Variants in ANKRD6 observed in about 807,000 individuals in gnomAD.
ANKRD6 encodes the protein ankyrin repeat domain 6.
ANKRD6 carries 56 observed loss-of-function variants against 82.3 expected under a neutral mutation model. The observed-to-expected ratio is 0.68, with a 90% CI of 0.55 to 0.85. ANKRD6 has a LOEUF of 0.85. ANKRD6 is among the 40% of genes least tolerant of loss of function. The probability of loss-of-function intolerance (pLI) is 0.00; values close to 1 mark genes in which losing one functional copy is unlikely to be tolerated. For missense variants in ANKRD6, 852 were observed against 907.6 expected, an observed-to-expected ratio of 0.94 and a Z score of 0.79; for synonymous variants, 347 against 352.1, an observed-to-expected ratio of 0.99 and a Z score of 0.16.
chr6:89,499,086 C>T (rs1282104224), intron 1 of ANKRD6, among the ~76,000 whole-genome samples: 2 of 151,960 alleles, frequency 1.3e-5, no homozygotes, highest in African/African-American at 4.8e-5. Flanking sequence ...GGTCTCCCTT[C>T]CTGAATAAAA....
In ANKRD6 at chr6:89,595,916, C is replaced by T. The variant is rs368207785; in HGVS notation, c.121C>T (p.His41Tyr). 2 of 1,604,720 alleles carry T rather than the reference C, an allele frequency of 1.2e-6. No homozygotes were observed. Among genetic ancestry groups the T allele is most frequent in the Middle Eastern group, 1.7e-4 (1 of 6,054 alleles). ...ATCATTGTTCATTTTGCATTCACAG[C>T]ATGGCCGGACTCCCCTGCATCTTGC... ...NKGARVAVTKHGRTPLHLAAN... is the reference protein window; with the variant it reads ...NKGARVAVTKYGRTPLHLAAN... Residue 41 changes from histidine to tyrosine, a missense_variant and splice_region_variant, in exon 3 of 16, where the codon CAT becomes TAT. Coordinates refer to ENST00000339746, the MANE Select transcript of ANKRD6 (RefSeq NM_001242809.2).
chr6:89,445,510 A>C (rs897703194), intron 1 of ANKRD6, among the ~76,000 whole-genome samples: 1 of 151,920 alleles, frequency 6.6e-6, no homozygotes, highest in African/African-American at 2.4e-5. Context: ...GCAGTCAAGC[A>C]ATCTCTGCTC....
chr6:89,511,302 A>G (rs562655657), intron 1 of ANKRD6, among the ~76,000 whole-genome samples: 25 of 152,234 alleles, frequency 1.6e-4, no homozygotes, highest in South Asian at 6.2e-4. Context: ...AGAGGCACAC[A>G]CTGAGGCATT....
intron 1 of ANKRD6, among the ~76,000 whole-genome samples, chr6:89,505,201 C>T (rs868108247): frequency 1.3e-5 from 2 of 152,150 alleles, no homozygotes; most frequent in African/African-American, 4.8e-5. Context: ...GCTGTCCTCC[C>T]GTATGCACCA....
At chr6:89,494,995 G>A (rs1778427825) in intron 1 of ANKRD6, among the ~76,000 whole-genome samples, 1 of 152,184 alleles carries the variant, frequency 6.6e-6, no homozygotes, top group Admixed American at 6.5e-5. Flanking sequence ...AGCACTTTGG[G>A]AGGCCGAGGT....
At chr6:89,625,453 T>C (rs1805314590) in intron 13 of ANKRD6, among the ~76,000 whole-genome samples, 1 of 152,174 alleles carries the variant, frequency 6.6e-6, no homozygotes, top group South Asian at 2.1e-4. Context: ...TACAGAAAAG[T>C]TCACAGAATA....
At chr6:89,625,860 A>G (rs559218843) in intron 13 of ANKRD6, among the ~76,000 whole-genome samples, 16 of 151,038 alleles carry the variant, frequency 1.1e-4, no homozygotes, top group African/African-American at 3.4e-4. Context: ...CAGTCTGCTG[A>G]GTAGCTGGGA....
intron 1 of ANKRD6, among the ~76,000 whole-genome samples, chr6:89,451,842 T>A (rs1772863727): frequency 6.6e-6 from 1 of 152,216 alleles, no homozygotes; most frequent in African/African-American, 2.4e-5. Flanking sequence ...CCCCCTCTGC[T>A]ACCCTTTGAA....
chr6:89,624,217 TC>T (rs1394645324), intron 12 of ANKRD6, among the ~76,000 whole-genome samples, 160 bp downstream of exon 12: 1 of 152,188 alleles, frequency 6.6e-6, no homozygotes, highest in South Asian at 2.1e-4. Context: ...ACGGTGCAGA[TC>T]CACTCCTGCT....
intron 14 of ANKRD6, 29 bp from the exon 15 acceptor site, chr6:89,629,083 T>G (rs1434127434): frequency 6.3e-7 from 1 of 1,597,638 alleles, no homozygotes; most frequent in Non-Finnish European, 8.5e-7. Context: ...TCTATGTACT[T>G]ATTTGTGGGG....
Position 89,446,847 on chromosome 6 carries a change from G to A in ANKRD6, c.-144+13472G>A, listed in dbSNP as rs539091563. Among the ~76,000 whole-genome samples, 10 of 152,294 alleles carry A rather than the reference G, an allele frequency of 6.6e-5. No individual in the cohort carries two copies. In the East Asian group the frequency reaches 7.7e-4, roughly 12 times the overall value. ...TCTTCTTGTGATAGTGAGTTCTCACGAGATTGGATAGTTTTATAAGGGGCT... is the reference window on the plus strand; with the variant it reads ...TCTTCTTGTGATAGTGAGTTCTCACAAGATTGGATAGTTTTATAAGGGGCT... On this transcript the variant is annotated intron_variant, in intron 1 of 15. Coordinates refer to ENST00000339746, the MANE Select transcript of ANKRD6 (RefSeq NM_001242809.2).
intron 1 of ANKRD6, among the ~76,000 whole-genome samples, chr6:89,490,149 T>C (rs2127837602): frequency 6.6e-6 from 1 of 152,378 alleles, no homozygotes; most frequent in South Asian, 2.1e-4. Context: ...ATTAATCCAG[T>C]TCAATTGCAT....
At chr6:89,570,554 C>G (rs946977367) in intron 2 of ANKRD6, among the ~76,000 whole-genome samples, 7 of 152,178 alleles carry the variant, frequency 4.6e-5, no homozygotes, top group Non-Finnish European at 4.4e-5. Flanking sequence ...ACACTAATTT[C>G]TCATTTCCTC....
intron 1 of ANKRD6, among the ~76,000 whole-genome samples, chr6:89,510,727 C>G (rs1054631024): frequency 6.6e-6 from 1 of 152,128 alleles, no homozygotes; most frequent in Admixed American, 6.5e-5. Context: ...ACAAGTGATA[C>G]AATTTCTGTC....
At chr6:89,523,832 A>G (rs1284882337) in intron 1 of ANKRD6, among the ~76,000 whole-genome samples, 3 of 152,146 alleles carry the variant, frequency 2.0e-5, no homozygotes, top group Non-Finnish European at 2.9e-5. Context: ...CAAGGAGTTT[A>G]TAGCATGAAT....
rs567077939 is a variant in ANKRD6, at chr6:89,585,797, A to G, written c.121-10119A>G. Among the ~76,000 whole-genome samples the G allele has an allele frequency of 4.6e-5, 7 of 152,300 alleles. No individual in the cohort carries two copies. The South Asian group carries it at 1.0e-3, about 23-fold the overall frequency. The stretch of plus-strand genomic sequence containing the variant: ...ATGATGTGTGCCTGTAGTCCCAGCT[A>G]CTCAGGAGGCTGAGGCAGAATTGTT... On this transcript the variant is annotated intron_variant, in intron 2 of 15. Transcript: ENST00000339746.
chr6:89,503,686 A>G (rs867592184), intron 1 of ANKRD6, among the ~76,000 whole-genome samples: 1 of 152,228 alleles, frequency 6.6e-6, no homozygotes, highest in Non-Finnish European at 1.5e-5. Flanking sequence ...AATACATTAT[A>G]TAGATGGCAA....
intron 1 of ANKRD6, among the ~76,000 whole-genome samples, chr6:89,539,396 T>C (rs1385359963): frequency 6.6e-6 from 1 of 152,120 alleles, no homozygotes; most frequent in Non-Finnish European, 1.5e-5. Flanking sequence ...CTTAACCCAG[T>C]TTAGGATTAA....
At chr6:89,601,619 A>G (rs1562996278) in intron 3 of ANKRD6, 1 of 152,172 alleles carries the variant, frequency 6.6e-6, no homozygotes, top group African/African-American at 2.4e-5. Flanking sequence ...TTTAACTAGG[A>G]TTTTTTATTG....
Sources: gnomAD v4.1 joint callset for allele counts (sites outside exome capture counted in the v4.1 genomes callset) on GRCh38, gnomAD v4.1.1 for gene constraint, MANE v1.5 for transcripts, NCBI Gene and HGNC (gene_info 2026-07-23, HGNC 2026-07-21) for gene names.